The following DST variants were observed in gnomAD, a reference collection of about 807,000 sequenced individuals.
The protein encoded by DST is bullous pemphigoid antigen.
In DST, 253 loss-of-function variants were observed where a neutral mutation model predicts 875.2. That is an observed-to-expected ratio of 0.29 (90% confidence interval 0.26 to 0.32). The LOEUF (loss-of-function observed/expected upper bound fraction) is 0.32. Ranked by LOEUF, DST falls within the 10% of genes least tolerant of loss-of-function variation. The probability of loss-of-function intolerance (pLI) is 1.00; values close to 1 mark genes in which losing one functional copy is unlikely to be tolerated. For missense variants in DST, 8,287 were observed against 9,111.6 expected, an observed-to-expected ratio of 0.91 and a Z score of 3.68; for synonymous variants, 3,124 against 3,197.1, an observed-to-expected ratio of 0.98 and a Z score of 0.77.
chr6:56,529,375 T>C lies in DST; in HGVS notation c.17595+73A>G, dbSNP rs9357922. 899,784 of 1,185,852 alleles carry C rather than the reference T, an allele frequency of 0.76. 342,865 individuals carry two copies. Among genetic ancestry groups the C allele is most frequent in the African/African-American group, 0.79 (51,145 of 64,698 alleles). The allele number at this position is 1,185,852 out of a possible 1,614,324, so 73.5% of individuals were successfully genotyped here. A position where few individuals can be genotyped will look rare whatever the true frequency, so the allele number is the denominator to read the frequency against. On this transcript the variant is annotated intron_variant, in intron 66 of 103. Transcript: ENST00000680361. ...CGAAATCATCATAAACATAAAATTG[T>C]ACAGAAATAAGGACTAAGAAATAAT... is the stretch of plus-strand genomic sequence containing the variant.
At chr6:56,780,823 A>T (rs2099692005) in intron 4 of DST, among the ~76,000 whole-genome samples, 2 of 151,932 alleles carry the variant, frequency 1.3e-5, no homozygotes, top group Middle Eastern at 3.4e-3. Context: ...CTGAATGGTA[A>T]TGCCTAGGTT....
rs201436347 is a variant in DST at position 56,560,443 on chromosome 6, A to C, written c.14311-20T>G. 2.4e-5 allele frequency: 37 copies of C among 1,574,380 alleles called. No homozygotes were observed. The highest frequency in any genetic ancestry group is 2.9e-5 in the Non-Finnish European group (34 of 1,157,394). ...AAACGACTAACAAGGGAAAAATAAT[A>C]ATAAATCATGTGTACAGCAAAAGAC... On this transcript the variant is annotated intron_variant, in intron 57 of 103. Coordinates refer to ENST00000680361, the MANE Select transcript of DST (RefSeq NM_001374736.1).
At chr6:56,736,605 C>T (rs2099525436) in intron 4 of DST, among the ~76,000 whole-genome samples, 1 of 152,184 alleles carries the variant, frequency 6.6e-6, no homozygotes, top group South Asian at 2.1e-4. Flanking sequence ...ATGTCTCGGT[C>T]TCTTTCTTCA....
At chr6:56,730,038 T>C (rs545220636) in intron 5 of DST, among the ~76,000 whole-genome samples, 1 of 152,154 alleles carries the variant, frequency 6.6e-6, no homozygotes, top group African/African-American at 2.4e-5. Context: ...TAAATTAAAG[T>C]TTACAAAAAG....
chr6:56,889,866 C>T (rs1332941554), intron 3 of DST, among the ~76,000 whole-genome samples: 1 of 152,036 alleles, frequency 6.6e-6, no homozygotes, highest in Non-Finnish European at 1.5e-5. Flanking sequence ...AAGAGGGGGC[C>T]AATTTTGCCA....
intron 50 of DST, 82 bp downstream of exon 50, chr6:56,578,732 G>C: frequency 2.1e-6 from 3 of 1,427,102 alleles, no homozygotes; most frequent in Non-Finnish European, 2.9e-6. Context: ...TATAACTAGT[G>C]AACATTTTTC....
intron 9 of DST, among the ~76,000 whole-genome samples, chr6:56,698,078 A>G (rs1474771581): frequency 6.6e-6 from 1 of 152,078 alleles, no homozygotes; most frequent in African/African-American, 2.4e-5. Context: ...CTAAGTGGAT[A>G]TTCACCTGTA....
chr6:56,693,848 C>T (rs1490010363), intron 9 of DST, among the ~76,000 whole-genome samples: 2 of 151,754 alleles, frequency 1.3e-5, no homozygotes, highest in Non-Finnish European at 2.9e-5. Flanking sequence ...GTGCTAAATG[C>T]TTATAATTCT....
chr6:56,534,156 T>C (rs12527139), intron 63 of DST, among the ~76,000 whole-genome samples: 120,349 of 152,090 alleles, frequency 0.79, 48,186 homozygotes, highest in African/African-American at 0.91. Context: ...ATAAGCCAGG[T>C]ACAGAAAGAG....
intron 4 of DST, among the ~76,000 whole-genome samples, chr6:56,741,765 C>T (rs1303163973): frequency 6.6e-6 from 1 of 152,036 alleles, no homozygotes; most frequent in Non-Finnish European, 1.5e-5. Context: ...GTTGCTACAG[C>T]AACAAAAAGG....
At chr6:56,907,760 A>G (rs541706061) in intron 2 of DST, among the ~76,000 whole-genome samples, 1 of 152,228 alleles carries the variant, frequency 6.6e-6, no homozygotes, top group African/African-American at 2.4e-5. Context: ...TTGGAAAAAA[A>G]AATAACATTT....
At chr6:56,945,741 G>A (rs1020548) in intron 2 of DST, 130,582 of 152,086 alleles carry the variant, frequency 0.86, 56,173 homozygotes, top group East Asian at 1. Flanking sequence ...TGCTTGGTTG[G>A]GCAGCACATA....
At chr6:56,647,040 A>C (rs16888096) in intron 13 of DST, among the ~76,000 whole-genome samples, 11,870 of 152,248 alleles carry the variant, frequency 0.078, 1,477 homozygotes, top group African/African-American at 0.26. Flanking sequence ...TGTTCTAGTC[A>C]TCAGCAAGTA....
intron 3 of DST, among the ~76,000 whole-genome samples, chr6:56,868,836 T>G (rs1775573682): frequency 6.6e-6 from 1 of 152,204 alleles, no homozygotes; most frequent in East Asian, 1.9e-4. Context: ...AAATATGTAC[T>G]GAAATTTGAG....
chr6:56,913,726 A>C (rs1465771786), intron 2 of DST, among the ~76,000 whole-genome samples: 1 of 152,210 alleles, frequency 6.6e-6, no homozygotes, highest in Non-Finnish European at 1.5e-5. Flanking sequence ...CTGTACTCTC[A>C]GTCAACAACC....
intron 64 of DST, among the ~76,000 whole-genome samples, chr6:56,530,523 T>A (rs1482992996): frequency 6.6e-6 from 1 of 152,170 alleles, no homozygotes; most frequent in Non-Finnish European, 1.5e-5. Context: ...TTAATTTCAA[T>A]TGGAGCAACA....
At chr6:56,758,364 A>C in intron 4 of DST, among the ~76,000 whole-genome samples, 1 of 152,170 alleles carries the variant, frequency 6.6e-6, no homozygotes, top group East Asian at 1.9e-4. Context: ...TGGTGGTGAA[A>C]CATCTAAAAA....
chr6:56,617,351 A>T, intron 36 of DST: 1 of 1,613,990 alleles, frequency 6.2e-7, no homozygotes, highest in Non-Finnish European at 8.5e-7. Context: ...AGCACTGGGA[A>T]CTGGGTTCTT....
At chr6:56,578,058 T>C (rs956444199) in intron 50 of DST, among the ~76,000 whole-genome samples, 12 of 152,082 alleles carry the variant, frequency 7.9e-5, no homozygotes, top group Non-Finnish European at 1.8e-4. Flanking sequence ...CTCACTCAAA[T>C]TGAGAGCTCA....
Sources: gnomAD v4.1 joint callset for allele counts (sites outside exome capture counted in the v4.1 genomes callset) on GRCh38, gnomAD v4.1.1 for gene constraint, MANE v1.5 for transcripts, NCBI Gene and HGNC (gene_info 2026-07-23, HGNC 2026-07-21) for gene names.